The following LUC7L variants were observed in gnomAD, a reference collection of about 807,000 sequenced individuals.
LUC7L encodes the protein LUC7 like, also known as putative RNA-binding protein Luc7-like 1.
LUC7L carries 29 observed loss-of-function variants against 51.1 expected under a neutral mutation model. That is an observed-to-expected ratio of 0.57 (90% CI 0.42 to 0.77). The LOEUF (loss-of-function observed/expected upper bound fraction) is 0.77, where lower values mean the gene tolerates loss of function less well. LUC7L is among the 30% of genes least tolerant of loss of function. The pLI is 0.00. For missense variants in LUC7L, 403 were observed against 511.9 expected (o/e 0.79, Z 2.05); for synonymous variants, 181 against 180.7 (o/e 1.00, Z -0.01).
chr16:216,593 G>A (rs2049808261), intron 3 of LUC7L, among the ~76,000 whole-genome samples: 1 of 151,464 alleles, frequency 6.6e-6, no homozygotes, highest in South Asian at 2.1e-4. Context: ...ATTTGGCCAG[G>A]CTGGTGTTGA....
In LUC7L at chr16:189,371, GCTGCTGCCCCCCTT is replaced by G. The variant is rs764700221; in HGVS notation, c.975-46_975-33del. ...AATGGGAACCAGAGGCTCAGTGGAGGCTGCTGCCCCCCTTCTGCTGGCCGCTCAGGCACTGACGA... is the reference window on the plus strand; with the variant it reads ...AATGGGAACCAGAGGCTCAGTGGAGGCTGCTGGCCGCTCAGGCACTGACGA... On this transcript the variant is annotated intron_variant, in intron 9 of 9. Coordinates refer to ENST00000293872, the MANE Select transcript of LUC7L (RefSeq NM_201412.3). 1.4e-5 allele frequency: 22 copies of G among 1,586,164 alleles called. No homozygotes were observed. The East Asian group carries it at 4.9e-4, about 36-fold the overall frequency.
At position 218,652 on chromosome 16, in the gene LUC7L, C is replaced by T. The variant is rs147396086; in HGVS notation, c.255+1997G>A. Among the ~76,000 whole-genome samples the T allele has an allele frequency of 3.0e-3, 458 of 151,728 alleles. 3 individuals are homozygous for T. The highest frequency in any genetic ancestry group is 0.01 in the African/African-American group (421 of 41,368). On this transcript the variant is annotated intron_variant, in intron 3 of 9. Transcript: ENST00000293872. ...AGGAGAATTGCTTAAACCCAGGAGG[C>T]GGAGGTTGCAATGAGCCAAGATTGC...
chr16:223,832 G>A (rs577109104), intron 2 of LUC7L, among the ~76,000 whole-genome samples: 1 of 151,930 alleles, frequency 6.6e-6, no homozygotes, highest in Non-Finnish European at 1.5e-5. Flanking sequence ...ACCACGCCCG[G>A]CTAATATTTT....
Position 192,984 on chromosome 16 carries a change from TTTCTC to T in LUC7L, c.714_718del (p.Arg239SerfsTer58). On this transcript the variant is annotated frameshift_variant, in exon 7 of 10. Coordinates refer to ENST00000293872, the MANE Select transcript of LUC7L (RefSeq NM_201412.3). LOFTEE classifies it high-confidence loss of function. ...CTCTCTCCTCCTCAAGCGATCCTGA[TTTCTC>T]TTCTCCTGCTTTTCAGCGACAGTTT... 6.2e-7 allele frequency: 1 copy of T among 1,613,540 alleles called. No homozygotes were observed. The highest frequency in any genetic ancestry group is 8.5e-7 in the Non-Finnish European group (1 of 1,179,994).
chr16:212,474 T>C (rs1393622333), intron 3 of LUC7L, among the ~76,000 whole-genome samples: 1 of 152,080 alleles, frequency 6.6e-6, no homozygotes, highest in Non-Finnish European at 1.5e-5. Flanking sequence ...GCCCAGTTTA[T>C]AGATGAAAAA....
intron 7 of LUC7L, among the ~76,000 whole-genome samples, chr16:192,557 G>A (rs188596559): frequency 2.7e-3 from 404 of 147,668 alleles, no homozygotes; most frequent in African/African-American, 9.6e-3. Flanking sequence ...AGGCTAGAGT[G>A]CAGTGGCACG....
intron 5 of LUC7L, among the ~76,000 whole-genome samples, chr16:201,869 A>G (rs1033978032): frequency 3.4e-5 from 5 of 148,640 alleles, no homozygotes; most frequent in Admixed American, 1.4e-4. Context: ...TCAGCCTCCC[A>G]AGTAGCTGGG....
At chr16:202,344 C>G (rs1022014191) in intron 5 of LUC7L, among the ~76,000 whole-genome samples, 1 of 152,114 alleles carries the variant, frequency 6.6e-6, no homozygotes, top group Non-Finnish European at 1.5e-5. Context: ...ATGAGTGAAC[C>G]ACCCCCATGA....
chr16:214,042 T>G (rs1003933144), intron 3 of LUC7L, among the ~76,000 whole-genome samples: 3 of 149,840 alleles, frequency 2.0e-5, no homozygotes, highest in East Asian at 2.0e-4. Flanking sequence ...GCTTTATATT[T>G]TGTGTCTTTG....
chr16:219,443 T>C (rs1041270271), intron 3 of LUC7L, among the ~76,000 whole-genome samples: 1 of 152,048 alleles, frequency 6.6e-6, no homozygotes, highest in Non-Finnish European at 1.5e-5. Context: ...TAGCCAGACA[T>C]GGTCGTGTGC....
At position 191,585 on chromosome 16, in the gene LUC7L, G is replaced by A. The variant is rs183062862; in HGVS notation, c.777-1015C>T. On this transcript the variant is annotated intron_variant, in intron 7 of 9. Transcript: ENST00000293872. ...CAAACGGCCGGGCGTGGTGGCTCAC[G>A]CTTGTAATCCCAGCACTCTGGGAGG... 2.7e-3 allele frequency among the ~76,000 whole-genome samples: 414 copies of A among 152,324 alleles called. 1 individual carries two copies. Among genetic ancestry groups the A allele is most frequent in the African/African-American group, 9.4e-3 (392 of 41,580 alleles).
intron 7 of LUC7L, among the ~76,000 whole-genome samples, chr16:192,465 G>T (rs911491038): frequency 1.4e-5 from 2 of 141,356 alleles, no homozygotes; most frequent in Non-Finnish European, 3.1e-5. Flanking sequence ...GCTGGGACGT[G>T]TTTTGTTTTG....
intron 6 of LUC7L, among the ~76,000 whole-genome samples, chr16:198,039 C>T (rs1053898112): frequency 3.3e-5 from 5 of 151,938 alleles, no homozygotes; most frequent in African/African-American, 4.8e-5. Context: ...GAGGCTGAGG[C>T]GGGCGGATCG....
intron 3 of LUC7L, among the ~76,000 whole-genome samples, chr16:214,086 G>T (rs1203025020): frequency 2.0e-5 from 3 of 149,124 alleles, no homozygotes; most frequent in Non-Finnish European, 3.0e-5. Flanking sequence ...TTTTTTTTTT[G>T]AAATGGAGTC....
chr16:194,045 C>T (rs139049188), intron 6 of LUC7L, among the ~76,000 whole-genome samples: 1,513 of 150,520 alleles, frequency 0.01, 24 homozygotes, highest in African/African-American at 0.035. Flanking sequence ...CCTCACGATC[C>T]GCCCGCCTCG....
intron 1 of LUC7L, chr16:227,676 C>CCAT (rs1467252008): frequency 1.2e-4 from 133 of 1,081,158 alleles, no homozygotes; most frequent in Non-Finnish European, 1.4e-4. Flanking sequence ...AATCAGAGGT[C>CCAT]CATGAACCAC....
chr16:199,720 T>TGA (rs1323413023), intron 5 of LUC7L, among the ~76,000 whole-genome samples: 2 of 120,956 alleles, frequency 1.7e-5, no homozygotes, highest in Non-Finnish European at 3.2e-5. Flanking sequence ...GCTGTTGAGC[T>TGA]GAGATCGCAC....
intron 6 of LUC7L, among the ~76,000 whole-genome samples, chr16:198,065 G>A (rs1046744887): frequency 2.6e-5 from 4 of 151,804 alleles, no homozygotes; most frequent in Non-Finnish European, 5.9e-5. Flanking sequence ...TCAGGAGATC[G>A]AGACCATCCT....
chr16:216,378 T>C (rs1212561), intron 3 of LUC7L, among the ~76,000 whole-genome samples: 1 of 137,240 alleles, frequency 7.3e-6, no homozygotes, highest in Admixed American at 7.6e-5. Context: ...TATCAAATAG[T>C]TGTTTTTTTT....
Sources: gnomAD v4.1 joint callset for allele counts (sites outside exome capture counted in the v4.1 genomes callset) on GRCh38, gnomAD v4.1.1 for gene constraint, MANE v1.5 for transcripts, NCBI Gene and HGNC (gene_info 2026-07-23, HGNC 2026-07-21) for gene names.